The following DSCAM variants were observed in gnomAD, a reference collection of about 807,000 sequenced individuals.
The protein encoded by DSCAM is cell adhesion molecule DSCAM.
In DSCAM, 47 loss-of-function variants were observed where a neutral mutation model predicts 217.7. The observed-to-expected ratio is 0.22, with a 90% CI of 0.17 to 0.28. DSCAM has a LOEUF of 0.28. Among genes scored for constraint, DSCAM ranks in the 10% least tolerant of loss-of-function variants. DSCAM has a pLI of 1.00. For missense variants in DSCAM, 2,080 were observed against 2,618.3 expected (o/e 0.79, Z 4.49); for synonymous variants, 1,056 against 1,015.3 (o/e 1.04, Z -0.76).
intron 6 of DSCAM, among the ~76,000 whole-genome samples, chr21:40,341,604 T>C (rs1204244325): frequency 6.6e-6 from 1 of 152,190 alleles, no homozygotes; most frequent in Non-Finnish European, 1.5e-5. Context: ...TAAATCCACA[T>C]CCAACAGAGA....
intron 1 of DSCAM, among the ~76,000 whole-genome samples, chr21:40,751,887 A>G (rs910145832): frequency 5.9e-5 from 9 of 152,178 alleles, no homozygotes; most frequent in African/African-American, 2.2e-4. Flanking sequence ...ACCTCCTTGT[A>G]ATCCAATATT....
At chr21:40,640,827 C>A (rs1448946986) in intron 3 of DSCAM, among the ~76,000 whole-genome samples, 3 of 151,220 alleles carry the variant, frequency 2.0e-5, no homozygotes, top group African/African-American at 7.3e-5. Flanking sequence ...CTGCCACACT[C>A]ACACCCCACA....
intron 4 of DSCAM, among the ~76,000 whole-genome samples, chr21:40,364,873 T>C (rs1030718580): frequency 6.7e-6 from 1 of 149,548 alleles, no homozygotes; most frequent in Non-Finnish European, 1.5e-5. Flanking sequence ...AATAATTATT[T>C]CAGTTGTATA....
intron 3 of DSCAM, among the ~76,000 whole-genome samples, chr21:40,415,227 A>G (rs910404155): frequency 2.0e-5 from 3 of 152,238 alleles, no homozygotes; most frequent in African/African-American, 7.2e-5. Flanking sequence ...ACATGATTTT[A>G]TATAGTTATA....
rs536993648 is a variant in DSCAM, at chr21:40,813,713, T to A, written c.43+32906A>T. On this transcript the variant is annotated intron_variant, in intron 1 of 32. Transcript: ENST00000400454. ...CCCAGGCTGGAGTGCAGTGGCGCAA[T>A]CTCAGCTTACTGCAACCTCTGCCTC... Among the ~76,000 whole-genome samples, 10 of 149,196 alleles carry A rather than the reference T, an allele frequency of 6.7e-5. No homozygotes were observed. The South Asian group carries it at 1.9e-3, about 29-fold the overall frequency.
chr21:40,577,595 T>A (rs2076863822), intron 3 of DSCAM, among the ~76,000 whole-genome samples: 1 of 148,962 alleles, frequency 6.7e-6, no homozygotes, highest in African/African-American at 2.5e-5. Context: ...TGGGATGAAT[T>A]AAGAGTCCTT....
At chr21:40,696,545 T>C (rs1208816815) in intron 2 of DSCAM, among the ~76,000 whole-genome samples, 1 of 152,180 alleles carries the variant, frequency 6.6e-6, no homozygotes, top group Admixed American at 6.5e-5. Flanking sequence ...CCCACTCTTG[T>C]TTCTGTGAAT....
At chr21:40,106,297 T>C (rs748594511) in intron 20 of DSCAM, among the ~76,000 whole-genome samples, 12 of 152,198 alleles carry the variant, frequency 7.9e-5, no homozygotes, top group Non-Finnish European at 1.3e-4. Context: ...TGAGGTACAA[T>C]TCAAGAAGAG....
intron 11 of DSCAM, among the ~76,000 whole-genome samples, chr21:40,274,352 T>G (rs951285207): frequency 4.6e-5 from 7 of 152,206 alleles, no homozygotes; most frequent in Non-Finnish European, 7.3e-5. Flanking sequence ...TGCATTGTAA[T>G]CAGTGGCTTC....
rs190400891 is a variant in DSCAM at position 40,559,212 on chromosome 21, C to A, written c.508+133598G>T. Among the ~76,000 whole-genome samples the A allele has an allele frequency of 7.6e-3, 1,153 of 152,018 alleles. 2 individuals carry two copies. Among genetic ancestry groups the A allele is most frequent in the Non-Finnish European group, 0.014 (925 of 67,962 alleles). ...GGTGGCTCAAGCCTGTAATCCCAGACCTTTGGGAGGCTGAGGCGGGAGGAT... is the reference window on the plus strand; with the variant it reads ...GGTGGCTCAAGCCTGTAATCCCAGAACTTTGGGAGGCTGAGGCGGGAGGAT... On this transcript the variant is annotated intron_variant, in intron 3 of 32. Coordinates refer to ENST00000400454, the MANE Select transcript of DSCAM (RefSeq NM_001389.5).
intron 1 of DSCAM, among the ~76,000 whole-genome samples, chr21:40,780,193 A>G (rs2091526939): frequency 6.6e-6 from 1 of 152,094 alleles, no homozygotes; most frequent in Non-Finnish European, 1.5e-5. Context: ...GTTGTGCTGA[A>G]GCACGTGTTC....
At chr21:40,644,908 T>C (rs2089926763) in intron 3 of DSCAM, among the ~76,000 whole-genome samples, 1 of 152,172 alleles carries the variant, frequency 6.6e-6, no homozygotes, top group Non-Finnish European at 1.5e-5. Flanking sequence ...AGTTTCAAAA[T>C]ACAACTGCCA....
intron 20 of DSCAM, among the ~76,000 whole-genome samples, chr21:40,097,947 A>AG (rs2089697514): frequency 1.2e-5 from 1 of 84,384 alleles, no homozygotes; most frequent in Non-Finnish European, 2.3e-5. Flanking sequence ...TCTCAAAAAA[A>AG]AAAAAAAAAA....
intron 3 of DSCAM, among the ~76,000 whole-genome samples, chr21:40,518,500 TATATATATA>T (rs1401725747): frequency 1.1e-4 from 2 of 17,624 alleles, no homozygotes; most frequent in Non-Finnish European, 1.6e-4. Context: ...TATTATATAT[TATATATATA>T]ATATATATAA....
intron 11 of DSCAM, among the ~76,000 whole-genome samples, chr21:40,245,360 G>A (rs2073209778): frequency 6.6e-6 from 1 of 152,142 alleles, no homozygotes; most frequent in Non-Finnish European, 1.5e-5. Flanking sequence ...CTCGTGTCTG[G>A]GAACTGTTTC....
At chr21:40,633,917 C>T (rs1447086649) in intron 3 of DSCAM, among the ~76,000 whole-genome samples, 1 of 152,048 alleles carries the variant, frequency 6.6e-6, no homozygotes, top group African/African-American at 2.4e-5. Flanking sequence ...AATGATGCGC[C>T]CCAGAGATCC....
chr21:40,556,406 C>A lies in DSCAM; in HGVS notation c.508+136404G>T, dbSNP rs114169980. 4.9e-3 allele frequency among the ~76,000 whole-genome samples: 747 copies of A among 152,120 alleles called. 4 individuals carry two copies. Among genetic ancestry groups the A allele is most frequent in the African/African-American group, 0.016 (667 of 41,492 alleles). On this transcript the variant is annotated intron_variant, in intron 3 of 32. Coordinates refer to ENST00000400454, the MANE Select transcript of DSCAM (RefSeq NM_001389.5). ...CAATAAAGCAAGCTAGAGAAAAAAA[C>A]GTTATTAAGAAAATTGTAAGGAAGA...
intron 8 of DSCAM, among the ~76,000 whole-genome samples, chr21:40,329,397 C>T (rs1004653652): frequency 2.6e-5 from 4 of 152,008 alleles, no homozygotes; most frequent in African/African-American, 9.7e-5. Context: ...AGGCAGATCA[C>T]GAGGTCAAGA....
intron 10 of DSCAM, among the ~76,000 whole-genome samples, chr21:40,282,693 G>A (rs2073778965): frequency 6.6e-6 from 1 of 150,850 alleles, no homozygotes; most frequent in Admixed American, 6.6e-5. Context: ...ACATGCTGGT[G>A]TGGTTTGAAA....
Sources: gnomAD v4.1 joint callset for allele counts (sites outside exome capture counted in the v4.1 genomes callset) on GRCh38, gnomAD v4.1.1 for gene constraint, MANE v1.5 for transcripts, NCBI Gene and HGNC (gene_info 2026-07-23, HGNC 2026-07-21) for gene names.